Variants in ADARB2 observed in about 807,000 individuals in gnomAD.
The protein encoded by ADARB2 is inactive double-stranded RNA-specific editase B2.
ADARB2 carries 25 observed loss-of-function variants against 62.2 expected under a neutral mutation model. That is an observed-to-expected ratio of 0.40 (90% CI 0.29 to 0.56). The LOEUF is 0.56. Ranked by LOEUF, ADARB2 falls within the 20% of genes least tolerant of loss-of-function variation. The pLI, the probability that ADARB2 is intolerant of heterozygous loss-of-function variation, is 0.43. For synonymous variants in ADARB2, 572 were observed against 500.8 expected (o/e 1.14, Z -1.90); for missense variants, 1,071 against 1,077.4 (o/e 0.99, Z 0.08).
Position 1,220,249 on chromosome 10 carries a change from GTGGTGGTGATGA to G in ADARB2, c.1514-3142_1514-3131del, listed in dbSNP as rs879722966. On this transcript the variant is annotated intron_variant, in intron 6 of 9. Coordinates refer to ENST00000381312, the MANE Select transcript of ADARB2 (RefSeq NM_018702.4). Reference sequence around the variant, plus strand: ...GGTGATGATGGTGGTGATAATGGTGGTGGTGGTGATGATGGTGGTGATGATGGTAATGGTGAT... The same window carrying G: ...GGTGATGATGGTGGTGATAATGGTGGTGGTGGTGATGATGGTAATGGTGAT... Among the ~76,000 whole-genome samples the G allele has an allele frequency of 1.7e-3, 235 of 139,440 alleles. 2 individuals carry two copies. Among genetic ancestry groups the G allele is most frequent in the African/African-American group, 4.9e-3 (181 of 37,208 alleles). The allele number at this position is 139,440 out of a possible 152,430, so 91.5% of individuals were successfully genotyped here.
chr10:1,448,613 A>G (rs1480358632), intron 1 of ADARB2, among the ~76,000 whole-genome samples: 1 of 152,214 alleles, frequency 6.6e-6, no homozygotes, highest in Admixed American at 6.5e-5. Context: ...GGACAAGCCC[A>G]TCTCACATAG....
At chr10:1,422,405 C>A (rs1832859431) in intron 1 of ADARB2, among the ~76,000 whole-genome samples, 1 of 152,194 alleles carries the variant, frequency 6.6e-6, no homozygotes, top group African/African-American at 2.4e-5. Context: ...AGACCAGCGG[C>A]TCACGCTTTG....
intron 5 of ADARB2, among the ~76,000 whole-genome samples, chr10:1,235,477 T>TCCCGGTGTTTACTCCCCTCTCC (rs1830859217): frequency 1.8e-4 from 2 of 11,014 alleles, no homozygotes; most frequent in Admixed American, 1.5e-3. Flanking sequence ...TTACCCTCTG[T>TCCCGGTGTTTACTCCCCTCTCC]CTCCCGGTGT....
intron 1 of ADARB2, among the ~76,000 whole-genome samples, chr10:1,500,814 AGCACTGTTGT>A (rs1831759207): frequency 6.6e-6 from 1 of 152,236 alleles, no homozygotes; most frequent in Non-Finnish European, 1.5e-5. Context: ...GTTCTGGAAA[AGCACTGTTGT>A]GCTGTCCCTG....
At chr10:1,658,264 C>T (rs957526263) in intron 1 of ADARB2, among the ~76,000 whole-genome samples, 5 of 151,290 alleles carry the variant, frequency 3.3e-5, no homozygotes, top group Non-Finnish European at 5.9e-5. Context: ...GTCTGATTCT[C>T]TCTGTTTTTC....
At chr10:1,558,722 C>T (rs1471265949) in intron 1 of ADARB2, among the ~76,000 whole-genome samples, 1 of 148,320 alleles carries the variant, frequency 6.7e-6, no homozygotes, top group Non-Finnish European at 1.5e-5. Context: ...GTGCTCAGCC[C>T]CCGCATGCTC....
chr10:1,371,729 T>G (rs1226733060), intron 2 of ADARB2, among the ~76,000 whole-genome samples: 2 of 147,186 alleles, frequency 1.4e-5, no homozygotes, highest in Non-Finnish European at 3.0e-5. Context: ...AAATGCAAAT[T>G]AAAATCACAC....
intron 1 of ADARB2, among the ~76,000 whole-genome samples, chr10:1,659,564 C>T (rs765818451): frequency 5.9e-5 from 9 of 152,266 alleles, no homozygotes; most frequent in African/African-American, 9.6e-5. Flanking sequence ...AGCGCGTCTC[C>T]AGCTGCAGAA....
At chr10:1,658,339 A>C (rs908510204) in intron 1 of ADARB2, among the ~76,000 whole-genome samples, 1 of 143,916 alleles carries the variant, frequency 6.9e-6, no homozygotes, top group Non-Finnish European at 1.5e-5. Context: ...CTCTGTCTCT[A>C]TCTGATTCTC....
intron 1 of ADARB2, among the ~76,000 whole-genome samples, chr10:1,594,013 C>T (rs1026767840): frequency 1.2e-4 from 18 of 152,108 alleles, no homozygotes; most frequent in East Asian, 5.8e-4. Flanking sequence ...TCTGTGAGGC[C>T]GGGTGCAGTG....
At chr10:1,359,770 C>T (rs531876735) in intron 3 of ADARB2, among the ~76,000 whole-genome samples, 64 of 152,320 alleles carry the variant, frequency 4.2e-4, no homozygotes, top group African/African-American at 1.5e-3. Flanking sequence ...ATGACAAGCT[C>T]CAGCCGCAGT....
intron 2 of ADARB2, among the ~76,000 whole-genome samples, chr10:1,376,670 CTG>C (rs2131858540): frequency 6.6e-6 from 1 of 152,306 alleles, no homozygotes; most frequent in African/African-American, 2.4e-5. Context: ...TGCTGCACCT[CTG>C]TAAGTTTGAA....
chr10:1,242,216 G>T lies in ADARB2; in HGVS notation c.1276C>A (p.Leu426Met). 1.2e-6 allele frequency: 2 copies of T among 1,608,306 alleles called. No homozygotes were observed. The highest frequency in any genetic ancestry group is 8.5e-7 in the Non-Finnish European group (1 of 1,178,394). ...ISGEHLSDQG[L>M]VVNDCHAEVV... ...TCCGCGTGGCAGTCATTCACCACCA[G>T]CCCCTGGTCACTGAGGTGCTCGCCG... is the stretch of plus-strand genomic sequence containing the variant. The change falls in exon 5 of 10, where the codon CTG (leucine) becomes ATG (methionine). Residue 426 changes from leucine to methionine, a missense_variant. Transcript: ENST00000381312.
chr10:1,439,614 T>C (rs7069643), intron 1 of ADARB2, among the ~76,000 whole-genome samples: 488 of 22,056 alleles, frequency 0.022, 27 homozygotes, highest in Middle Eastern at 0.071. Flanking sequence ...AGGCCCTTCA[T>C]GATGGGGCTC....
chr10:1,433,631 C>T (rs1830799102), intron 1 of ADARB2, among the ~76,000 whole-genome samples: 1 of 152,064 alleles, frequency 6.6e-6, no homozygotes, highest in Non-Finnish European at 1.5e-5. Context: ...TTTGTCCAAC[C>T]CTGAGCCTGA....
chr10:1,698,912 C>G (rs1337971703), intron 1 of ADARB2, among the ~76,000 whole-genome samples: 1 of 152,202 alleles, frequency 6.6e-6, no homozygotes. Flanking sequence ...AGGCACCCAC[C>G]ACCAGGCTGA....
intron 1 of ADARB2, among the ~76,000 whole-genome samples, chr10:1,419,863 A>G (rs1238512684): frequency 6.6e-6 from 1 of 152,228 alleles, no homozygotes; most frequent in Non-Finnish European, 1.5e-5. Flanking sequence ...GAGTCTTTAG[A>G]TAAAAGATGA....
intron 4 of ADARB2, among the ~76,000 whole-genome samples, chr10:1,242,785 C>T (rs1830940120): frequency 1.2e-5 from 1 of 81,258 alleles, no homozygotes; most frequent in Non-Finnish European, 3.1e-5. Context: ...AGGACAGGAG[C>T]TGATGAACCT....
At chr10:1,368,097 A>T (rs1048862312) in intron 2 of ADARB2, among the ~76,000 whole-genome samples, 4 of 152,136 alleles carry the variant, frequency 2.6e-5, no homozygotes, top group African/African-American at 9.7e-5. Context: ...CCCAGCACAG[A>T]GGCCACAGCC....
Sources: allele counts gnomAD v4.1 joint callset (sites outside exome capture counted in the v4.1 genomes callset), GRCh38; gene constraint gnomAD v4.1.1; transcripts MANE v1.5; gene names NCBI Gene and HGNC (gene_info 2026-07-23, HGNC 2026-07-21).